The following SEZ6L variants were observed in gnomAD, a reference collection of about 807,000 sequenced individuals.
SEZ6L encodes seizure related 6 homolog like.
Under a neutral mutation model 106.2 loss-of-function variants are expected in SEZ6L, and 37 were observed. The ratio of observed to expected loss-of-function variants is 0.35; its 90% CI spans 0.27 to 0.46. The LOEUF is 0.46. SEZ6L is among the 20% of genes least tolerant of loss of function. The probability of loss-of-function intolerance (pLI) is 1.00; values close to 1 mark genes in which losing one functional copy is unlikely to be tolerated. For missense variants in SEZ6L, 1,172 were observed against 1,332.8 expected, an observed-to-expected ratio of 0.88 and a Z score of 1.88; for synonymous variants, 541 against 570.4, an observed-to-expected ratio of 0.95 and a Z score of 0.73.
At chr22:26,219,666 A>G (rs2078405123) in intron 1 of SEZ6L, among the ~76,000 whole-genome samples, 1 of 152,220 alleles carries the variant, frequency 6.6e-6, no homozygotes, top group Admixed American at 6.5e-5. Flanking sequence ...GAGGATCATT[A>G]AAGTTCTGGG....
chr22:26,332,683 A>G (rs1171326466), intron 9 of SEZ6L, among the ~76,000 whole-genome samples: 3 of 151,788 alleles, frequency 2.0e-5, no homozygotes, highest in African/African-American at 7.3e-5. Flanking sequence ...CCTGAACTCA[A>G]GTGATCCTCC....
intron 13 of SEZ6L, among the ~76,000 whole-genome samples, chr22:26,368,938 C>T (rs2083909418): frequency 6.6e-6 from 1 of 152,114 alleles, no homozygotes; most frequent in Admixed American, 6.6e-5. Context: ...TGTAAATTTC[C>T]CGCCTTCAGG....
chr22:26,274,616 A>C (rs1394691186), intron 1 of SEZ6L, among the ~76,000 whole-genome samples: 1 of 152,180 alleles, frequency 6.6e-6, no homozygotes, highest in Non-Finnish European at 1.5e-5. Context: ...AACTTAGAAA[A>C]GCCATCATAC....
chr22:26,338,438 C>A (rs746732619), intron 9 of SEZ6L, among the ~76,000 whole-genome samples: 1 of 152,306 alleles, frequency 6.6e-6, no homozygotes, highest in Non-Finnish European at 1.5e-5. Flanking sequence ...TGCTCTATTG[C>A]CCAGGCTGGA....
chr22:26,180,471 A>G (rs1435416741), intron 1 of SEZ6L, among the ~76,000 whole-genome samples: 2 of 152,264 alleles, frequency 1.3e-5, no homozygotes, highest in African/African-American at 4.8e-5. Context: ...GAATGGATGA[A>G]TCAATGAATG....
intron 1 of SEZ6L, among the ~76,000 whole-genome samples, chr22:26,257,018 A>G (rs1307480713): frequency 6.6e-6 from 1 of 152,182 alleles, no homozygotes; most frequent in Non-Finnish European, 1.5e-5. Context: ...GGTGGGGAGC[A>G]ATTTTGCTCT....
At chr22:26,329,518 C>T (rs2082417687) in intron 9 of SEZ6L, among the ~76,000 whole-genome samples, 1 of 152,144 alleles carries the variant, frequency 6.6e-6, no homozygotes, top group African/African-American at 2.4e-5. Context: ...TTAAGGTGTC[C>T]TATTAGGGAG....
At chr22:26,289,138 A>G (rs3884814) in intron 1 of SEZ6L, among the ~76,000 whole-genome samples, 2 of 152,168 alleles carry the variant, frequency 1.3e-5, no homozygotes, top group Non-Finnish European at 2.9e-5. Flanking sequence ...AAGTCATGCT[A>G]GTGAATAGTG....
intron 1 of SEZ6L, among the ~76,000 whole-genome samples, chr22:26,269,480 C>T (rs1474018503): frequency 1.3e-5 from 2 of 151,876 alleles, no homozygotes; most frequent in African/African-American, 2.4e-5. Flanking sequence ...AGATTGGAAC[C>T]CTAACCTCGT....
At chr22:26,350,518 T>C (rs34205890) in intron 11 of SEZ6L, among the ~76,000 whole-genome samples, 39,007 of 151,824 alleles carry the variant, frequency 0.26, 6,141 homozygotes, top group African/African-American at 0.43. Context: ...AGGCATGAGC[T>C]ACCGTGCCCC....
At chr22:26,275,393 T>A (rs2080509980) in intron 1 of SEZ6L, among the ~76,000 whole-genome samples, 1 of 152,218 alleles carries the variant, frequency 6.6e-6, no homozygotes, top group Non-Finnish European at 1.5e-5. Context: ...TTCAGTAGGT[T>A]AGGTGTATTA....
intron 11 of SEZ6L, among the ~76,000 whole-genome samples, chr22:26,350,274 C>T (rs2083232275): frequency 6.6e-6 from 1 of 151,658 alleles, no homozygotes; most frequent in South Asian, 2.1e-4. Context: ...GTTGCCCAGG[C>T]TGGAGTGCAG....
At chr22:26,304,432 A>G (rs566968781) in intron 5 of SEZ6L, among the ~76,000 whole-genome samples, 11 of 142,786 alleles carry the variant, frequency 7.7e-5, no homozygotes, top group African/African-American at 1.8e-4. Flanking sequence ...AAGAAAGAAA[A>G]AGAAAGGAAA....
chr22:26,333,797 G>T (rs536239614), intron 9 of SEZ6L, among the ~76,000 whole-genome samples: 7 of 152,334 alleles, frequency 4.6e-5, no homozygotes, highest in African/African-American at 1.4e-4. Context: ...ACCAGGAGGG[G>T]ATGCTGGGGG....
intron 10 of SEZ6L, among the ~76,000 whole-genome samples, chr22:26,344,769 T>C (rs781750059): frequency 2.6e-5 from 4 of 152,246 alleles, no homozygotes; most frequent in Non-Finnish European, 4.4e-5. Flanking sequence ...CACAACATCG[T>C]CATATCCTGC....
At chr22:26,243,462 CAG>C (rs966065723) in intron 1 of SEZ6L, among the ~76,000 whole-genome samples, 2 of 152,170 alleles carry the variant, frequency 1.3e-5, no homozygotes, top group African/African-American at 4.8e-5. Context: ...AGCATTCTGA[CAG>C]AGCATGTGCA....
chr22:26,293,136 G>A lies in SEZ6L; in HGVS notation c.825G>A (p.Glu275=). 1 of 1,546,606 alleles carries A rather than the reference G, an allele frequency of 6.5e-7. No individual in the cohort carries two copies. The highest frequency in any genetic ancestry group is 1.2e-5 in the South Asian group (1 of 83,542). The change falls in exon 2 of 17, where the codon GAG becomes GAA. Residue 275 remains glutamate, a synonymous_variant. Transcript: ENST00000248933. ...TCACCACCACGGTCATCACCACCGA[G>A]CAGGCACCAGGTATGCAGCCCCCAA... ...TIITTTVITT[E]QAPALCSVSF... is the part of the protein sequence containing the mutation.
rs555748316 is a variant in SEZ6L at position 26,275,967 on chromosome 22, G to T, written c.95-16439G>T. On this transcript the variant is annotated intron_variant, in intron 1 of 16. Transcript: ENST00000248933. ...GGAGGAGAGACATGGAGCAAATACAGCCCCTTCCCTCACCTCACTGGGGCA... is the reference window on the plus strand; with the variant it reads ...GGAGGAGAGACATGGAGCAAATACATCCCCTTCCCTCACCTCACTGGGGCA... 2.0e-5 allele frequency among the ~76,000 whole-genome samples: 3 copies of T among 152,250 alleles called. No homozygotes were observed. The South Asian group carries it at 6.2e-4, about 32-fold the overall frequency.
intron 5 of SEZ6L, among the ~76,000 whole-genome samples, chr22:26,299,795 C>A (rs6004991): frequency 0.46 from 69,221 of 152,028 alleles, 17,017 homozygotes; most frequent in African/African-American, 0.62. Flanking sequence ...ATTTGTATGC[C>A]AGTTTTTTGT....
Sources: gnomAD v4.1 joint callset for allele counts (sites outside exome capture counted in the v4.1 genomes callset) on GRCh38, gnomAD v4.1.1 for gene constraint, MANE v1.5 for transcripts, NCBI Gene and HGNC (gene_info 2026-07-23, HGNC 2026-07-21) for gene names.